Variants in ASAP1 observed in about 807,000 individuals in gnomAD.
ASAP1 encodes arf-GAP with SH3 domain, ANK repeat and PH domain-containing protein 1.
A neutral mutation model predicts 145.2 loss-of-function variants in ASAP1; 43 were observed. That is an observed-to-expected ratio of 0.30 (90% confidence interval 0.23 to 0.38). ASAP1 has a LOEUF of 0.38. Among genes scored for constraint, ASAP1 ranks in the 10% least tolerant of loss-of-function variants. ASAP1 has a pLI of 1.00. For missense variants in ASAP1, 1,018 were observed against 1,355.3 expected (o/e 0.75, Z 3.91); for synonymous variants, 546 against 515.5 (o/e 1.06, Z -0.80).
chr8:130,154,601 T>C (rs1331994370), intron 12 of ASAP1, among the ~76,000 whole-genome samples: 1 of 152,198 alleles, frequency 6.6e-6, no homozygotes, highest in Non-Finnish European at 1.5e-5. Context: ...TTTAAAACAG[T>C]ATCATCTTAT....
chr8:130,323,251 A>G (rs1300598619), intron 3 of ASAP1, among the ~76,000 whole-genome samples: 1 of 152,344 alleles, frequency 6.6e-6, no homozygotes, highest in East Asian at 1.9e-4. Flanking sequence ...GTTCTATTCA[A>G]GCCTGAACAT....
intron 3 of ASAP1, among the ~76,000 whole-genome samples, chr8:130,280,091 T>C (rs548595920): frequency 5.2e-4 from 79 of 152,294 alleles, no homozygotes; most frequent in African/African-American, 1.8e-3. Context: ...TCTTGACTAT[T>C]TTGCTGACAA....
At chr8:130,090,411 C>T (rs1275584076) in intron 25 of ASAP1, among the ~76,000 whole-genome samples, 5 of 152,100 alleles carry the variant, frequency 3.3e-5, no homozygotes, top group South Asian at 2.1e-4. Flanking sequence ...CTGGGGATCC[C>T]GAAGGCCTTA....
At chr8:130,418,539 AAAATAAAT>A (rs71572335) in intron 1 of ASAP1, among the ~76,000 whole-genome samples, 77 of 147,730 alleles carry the variant, frequency 5.2e-4, no homozygotes, top group South Asian at 8.8e-4. Context: ...CCTCTGTCTC[AAAATAAAT>A]AAATAAATAA....
At chr8:130,443,134 G>A (rs1317713765) in intron 1 of ASAP1, among the ~76,000 whole-genome samples, 2 of 152,136 alleles carry the variant, frequency 1.3e-5, no homozygotes, top group Admixed American at 6.5e-5. Context: ...CCCCGGAGGG[G>A]GACGCGAAAC....
At chr8:130,224,014 G>A (rs1004843296) in intron 4 of ASAP1, among the ~76,000 whole-genome samples, 2 of 152,152 alleles carry the variant, frequency 1.3e-5, no homozygotes, top group East Asian at 3.8e-4. Context: ...CAATGTAAGT[G>A]TAACCTACCA....
chr8:130,322,971 T>G (rs952109125), intron 3 of ASAP1, among the ~76,000 whole-genome samples: 1 of 152,170 alleles, frequency 6.6e-6, no homozygotes, highest in Non-Finnish European at 1.5e-5. Context: ...CCAGGCTTTG[T>G]GAAGCACTAG....
At chr8:130,321,778 T>G (rs1355381636) in intron 3 of ASAP1, among the ~76,000 whole-genome samples, 1 of 152,236 alleles carries the variant, frequency 6.6e-6, no homozygotes, top group African/African-American at 2.4e-5. Context: ...GTTTGTCTTT[T>G]AACATCAGTT....
chr8:130,430,966 G>A (rs766398886), intron 1 of ASAP1, among the ~76,000 whole-genome samples: 20 of 152,112 alleles, frequency 1.3e-4, no homozygotes, highest in Non-Finnish European at 2.2e-4. Context: ...ATAGACTTGC[G>A]CCTCCCTCAG....
chr8:130,062,397 G>GTCAAAA (rs2097421481), intron 27 of ASAP1, among the ~76,000 whole-genome samples: 1 of 152,204 alleles, frequency 6.6e-6, no homozygotes, highest in South Asian at 2.1e-4. Context: ...CTCTAAAAAA[G>GTCAAAA]TCAAAATCAA....
At position 130,167,625 on chromosome 8, in the gene ASAP1, A is replaced by C; in HGVS notation, c.823-3T>G. On this transcript the variant is annotated splice_polypyrimidine_tract_variant and splice_region_variant and intron_variant, in intron 10 of 29. Transcript: ENST00000518721. The stretch of plus-strand genomic sequence containing the variant: ...TCTTCATCCTGGGTCTGTTTTATCT[A>C]TGAAAAAAAAATTACTTCTATTACT... The C allele has an allele frequency of 6.2e-7, 1 of 1,601,040 alleles. No homozygotes were observed. The highest frequency in any genetic ancestry group is 8.5e-7 in the Non-Finnish European group (1 of 1,171,088).
chr8:130,121,784 CAAAAAAAAAAAAAAA>C lies in ASAP1; in HGVS notation c.1607+2214_1607+2228del, dbSNP rs56996962. ...AGGCTATGAGAGTGAAATTCCATCT[CAAAAAAAAAAAAAAA>C]AAAAAAAAAAAAAGAACATACGATC... On this transcript the variant is annotated intron_variant, in intron 18 of 29. Transcript: ENST00000518721. Among the ~76,000 whole-genome samples the C allele has an allele frequency of 1.6e-4, 4 of 25,406 alleles. No homozygotes were observed. In the South Asian group the frequency reaches 0.014, roughly 87 times the overall value. 16.7% of individuals were successfully genotyped at this position (25,406 alleles called of 152,430 possible).
At chr8:130,300,151 C>CAGAGAGAGAGAGAGAGAGAGAG (rs1234117059) in intron 3 of ASAP1, among the ~76,000 whole-genome samples, 4 of 84,808 alleles carry the variant, frequency 4.7e-5, no homozygotes, top group African/African-American at 9.0e-5. Context: ...CACACACACA[C>CAGAGAGAGAGAGAGAGAGAGAG]ACAGAGAGAG....
intron 3 of ASAP1, among the ~76,000 whole-genome samples, chr8:130,308,651 T>C (rs926230969): frequency 4.6e-5 from 7 of 152,166 alleles, no homozygotes; most frequent in South Asian, 2.1e-4. Flanking sequence ...TTTTCAACAA[T>C]AGATTTAATT....
chr8:130,149,521 A>G (rs1212794463), intron 13 of ASAP1, among the ~76,000 whole-genome samples: 2 of 152,090 alleles, frequency 1.3e-5, no homozygotes, highest in Non-Finnish European at 2.9e-5. Flanking sequence ...TGGGTGGCCA[A>G]GCCAACAAAC....
chr8:130,282,942 T>C (rs560001928), intron 3 of ASAP1, among the ~76,000 whole-genome samples: 3 of 152,338 alleles, frequency 2.0e-5, no homozygotes, highest in Non-Finnish European at 2.9e-5. Flanking sequence ...CAGCCACTAA[T>C]TGAATAGCTT....
At chr8:130,114,848 C>T (rs2097552415) in intron 23 of ASAP1, among the ~76,000 whole-genome samples, 2 of 149,354 alleles carry the variant, frequency 1.3e-5, no homozygotes, top group African/African-American at 4.9e-5. Flanking sequence ...AATCATAGCT[C>T]ACTGCAGCCT....
intron 3 of ASAP1, among the ~76,000 whole-genome samples, chr8:130,262,416 A>AAAGAG (rs1819974520): frequency 1.9e-4 from 11 of 57,844 alleles, no homozygotes; most frequent in East Asian, 1.5e-3. Context: ...AAAAAAAAAA[A>AAAGAG]AGAGAGAGAG....
intron 27 of ASAP1, among the ~76,000 whole-genome samples, chr8:130,072,793 A>ATGTGTG (rs1206526066): frequency 1.5e-4 from 15 of 102,652 alleles, no homozygotes; most frequent in Non-Finnish European, 2.1e-4. Context: ...TGCAATTGAT[A>ATGTGTG]TGTGTGTGTG....
Sources: allele counts gnomAD v4.1 joint callset (sites outside exome capture counted in the v4.1 genomes callset), GRCh38; gene constraint gnomAD v4.1.1; transcripts MANE v1.5; gene names NCBI Gene and HGNC (gene_info 2026-07-23, HGNC 2026-07-21).